Variants in CNTN4 observed in about 807,000 individuals in gnomAD.
CNTN4 encodes the protein contactin-4.
CNTN4 carries 77 observed loss-of-function variants against 122.5 expected under a neutral mutation model. The observed-to-expected ratio is 0.63, with a 90% confidence interval of 0.52 to 0.76. The LOEUF (loss-of-function observed/expected upper bound fraction) is 0.76, where lower values mean the gene tolerates loss of function less well. Among genes scored for constraint, CNTN4 ranks in the 30% least tolerant of loss-of-function variants. CNTN4 has a pLI of 0.00. For missense variants in CNTN4, 1,256 were observed against 1,259.1 expected (o/e 1.00, Z 0.04); for synonymous variants, 512 against 447.0 (o/e 1.15, Z -1.83).
At chr3:3,052,634 A>C (rs1038886076) in intron 23 of CNTN4, among the ~76,000 whole-genome samples, 1 of 152,204 alleles carries the variant, frequency 6.6e-6, no homozygotes, top group Non-Finnish European at 1.5e-5. Flanking sequence ...CACAGCAGGC[A>C]ATCCCAGGTA....
At chr3:2,665,684 C>A (rs1281206501) in intron 4 of CNTN4, among the ~76,000 whole-genome samples, 1 of 152,122 alleles carries the variant, frequency 6.6e-6, no homozygotes, top group East Asian at 1.9e-4. Context: ...TCTTGGCCCT[C>A]TCAGGAGAGA....
chr3:2,151,133 C>T (rs962146785), intron 2 of CNTN4, among the ~76,000 whole-genome samples: 5 of 152,070 alleles, frequency 3.3e-5, no homozygotes, highest in African/African-American at 7.2e-5. Context: ...CCATGTTGGC[C>T]GGGCTGGTCT....
intron 4 of CNTN4, among the ~76,000 whole-genome samples, chr3:2,702,643 C>T (rs186427994): frequency 6.6e-6 from 1 of 152,278 alleles, no homozygotes; most frequent in East Asian, 1.9e-4. Context: ...TGTTCTAGGA[C>T]ATCTTTTGGG....
chr3:2,146,555 A>G (rs1371185497), intron 2 of CNTN4, among the ~76,000 whole-genome samples: 1 of 152,170 alleles, frequency 6.6e-6, no homozygotes, highest in Non-Finnish European at 1.5e-5. Flanking sequence ...ATCAGTGCTC[A>G]CTTGATATTT....
intron 2 of CNTN4, among the ~76,000 whole-genome samples, chr3:2,297,671 G>C (rs2042363999): frequency 6.6e-6 from 1 of 152,044 alleles, no homozygotes; most frequent in African/African-American, 2.4e-5. Context: ...AGAGGTTTTT[G>C]ATTGTTATGT....
intron 4 of CNTN4, among the ~76,000 whole-genome samples, chr3:2,576,041 T>C (rs931733733): frequency 2.6e-5 from 4 of 152,064 alleles, no homozygotes; most frequent in Non-Finnish European, 4.4e-5. Context: ...TTCACCATGT[T>C]AGCCAGGATG....
At chr3:2,787,743 C>T (rs1399727185) in intron 6 of CNTN4, among the ~76,000 whole-genome samples, 1 of 151,614 alleles carries the variant, frequency 6.6e-6, no homozygotes, top group Non-Finnish European at 1.5e-5. Context: ...TTAGCTCATG[C>T]ACAAAGTGTA....
intron 3 of CNTN4, among the ~76,000 whole-genome samples, chr3:2,422,773 C>A (rs1022481065): frequency 3.3e-5 from 5 of 152,144 alleles, no homozygotes; most frequent in African/African-American, 1.2e-4. Context: ...TATTCTGTTT[C>A]CCCTAATGCC....
rs1184756504 is a variant in CNTN4, at chr3:3,050,763, CA to C, written c.2812-3024del. ...GGGCAATAAGAGTGAAACTCCGTCT[CA>C]AAAAAAAAAAAAAAAAAAATCCAGG... On this transcript the variant is annotated intron_variant, in intron 23 of 24. Coordinates refer to ENST00000418658, the MANE Select transcript of CNTN4 (RefSeq NM_175607.3). 2.0e-3 allele frequency among the ~76,000 whole-genome samples: 169 copies of C among 85,004 alleles called. 4 individuals are homozygous for C. The highest frequency in any genetic ancestry group is 6.8e-3 in the Middle Eastern group (1 of 146). 55.8% of individuals were successfully genotyped at this position (85,004 alleles called of 152,430 possible). A position where few individuals can be genotyped will look rare whatever the true frequency, so the allele number is the denominator to read the frequency against.
intron 13 of CNTN4, among the ~76,000 whole-genome samples, chr3:2,960,794 C>G (rs997937870): frequency 2.0e-5 from 3 of 152,174 alleles, no homozygotes; most frequent in Non-Finnish European, 4.4e-5. Context: ...TTCCCACTTT[C>G]ACTCTTGACT....
At chr3:2,242,694 A>G (rs999659503) in intron 2 of CNTN4, among the ~76,000 whole-genome samples, 1 of 152,152 alleles carries the variant, frequency 6.6e-6, no homozygotes, top group African/African-American at 2.4e-5. Context: ...CAAAATGAAT[A>G]AAGATGGATC....
At chr3:3,018,581 A>G (rs1174509627) in intron 14 of CNTN4, among the ~76,000 whole-genome samples, 1 of 152,180 alleles carries the variant, frequency 6.6e-6, no homozygotes, top group Non-Finnish European at 1.5e-5. Flanking sequence ...ACAGCTGGCA[A>G]TGTTGGCAGA....
At chr3:2,657,239 A>G (rs1193206423) in intron 4 of CNTN4, among the ~76,000 whole-genome samples, 1 of 152,204 alleles carries the variant, frequency 6.6e-6, no homozygotes, top group East Asian at 1.9e-4. Context: ...GCTTCGAGGC[A>G]CTTATTGGAA....
chr3:2,586,711 A>G (rs964556947), intron 4 of CNTN4, among the ~76,000 whole-genome samples: 1 of 152,228 alleles, frequency 6.6e-6, no homozygotes, highest in Admixed American at 6.5e-5. Context: ...GATTTGCTAC[A>G]TGACTATGGA....
intron 5 of CNTN4, among the ~76,000 whole-genome samples, chr3:2,740,739 A>C (rs1004645054): frequency 6.6e-6 from 1 of 152,224 alleles, no homozygotes; most frequent in Non-Finnish European, 1.5e-5. Context: ...GTCATCAGGT[A>C]GGGTTCTCAG....
intron 2 of CNTN4, among the ~76,000 whole-genome samples, chr3:2,333,187 T>A (rs368925976): frequency 7.2e-5 from 11 of 152,306 alleles, no homozygotes; most frequent in African/African-American, 2.6e-4. Flanking sequence ...CCTCCCTGTC[T>A]TAGATTCATA....
chr3:2,974,990 G>A lies in CNTN4; in HGVS notation c.1359-13355G>A, dbSNP rs1031659088. 2.0e-5 allele frequency among the ~76,000 whole-genome samples: 3 copies of A among 151,924 alleles called. No individual in the cohort carries two copies. The East Asian group carries it at 5.8e-4, about 29-fold the overall frequency. Reference sequence around the variant, plus strand: ...TACTAAATTATATATTCTGTATAGTGGGCCCCCCTTTCTAATTAATAATTA... The same window carrying A: ...TACTAAATTATATATTCTGTATAGTAGGCCCCCCTTTCTAATTAATAATTA... On this transcript the variant is annotated intron_variant, in intron 13 of 24. Transcript: ENST00000418658.
intron 2 of CNTN4, among the ~76,000 whole-genome samples, chr3:2,299,395 T>C (rs1055634972): frequency 6.6e-6 from 1 of 152,090 alleles, no homozygotes; most frequent in African/African-American, 2.4e-5. Context: ...GTTGTGAATT[T>C]TGAGATTGTA....
intron 6 of CNTN4, among the ~76,000 whole-genome samples, chr3:2,757,166 C>CA (rs2090375682): frequency 6.6e-6 from 1 of 152,146 alleles, no homozygotes; most frequent in African/African-American, 2.4e-5. Flanking sequence ...GAGAGCATAA[C>CA]AGAGTTTTGA....
Sources: gnomAD v4.1 joint callset for allele counts (sites outside exome capture counted in the v4.1 genomes callset) on GRCh38, gnomAD v4.1.1 for gene constraint, MANE v1.5 for transcripts, NCBI Gene and HGNC (gene_info 2026-07-23, HGNC 2026-07-21) for gene names.